Variants in DCC observed in about 807,000 individuals in gnomAD.
DCC encodes the protein netrin receptor DCC.
In DCC, 58 loss-of-function variants were observed where a neutral mutation model predicts 172.5. The ratio of observed to expected loss-of-function variants is 0.34; its 90% CI spans 0.27 to 0.42. The LOEUF (loss-of-function observed/expected upper bound fraction) is 0.42. DCC is among the 10% of genes least tolerant of loss of function. The pLI, the probability that DCC is intolerant of heterozygous loss-of-function variation, is 1.00. For missense variants in DCC, 1,740 were observed against 1,791.0 expected (o/e 0.97, Z 0.51); for synonymous variants, 709 against 644.5 (o/e 1.10, Z -1.52).
At chr18:52,880,136 TTTTC>T (rs143138431) in intron 2 of DCC, among the ~76,000 whole-genome samples, 12,731 of 151,978 alleles carry the variant, frequency 0.084, 865 homozygotes, top group East Asian at 0.29. Flanking sequence ...ATTCTTTTTT[TTTTC>T]TTTCTTTTTG....
intron 15 of DCC, among the ~76,000 whole-genome samples, chr18:53,363,480 G>T (rs1400743842): frequency 6.6e-6 from 1 of 152,156 alleles, no homozygotes; most frequent in Non-Finnish European, 1.5e-5. Flanking sequence ...GAAGAATAAA[G>T]GTATGCAAGG....
Position 53,351,320 on chromosome 18 carries a change from G to GTATA in DCC, c.2359+11422_2359+11425dup, listed in dbSNP as rs201328758. ...ATATATATATATATATATATACACTGTATATATATATACAGTGTATATATA... is the reference window on the plus strand; with the variant it reads ...ATATATATATATATATATATACACTGTATATATATATATATACAGTGTATATATA... On this transcript the variant is annotated intron_variant, in intron 15 of 28. Coordinates refer to ENST00000442544, the MANE Select transcript of DCC (RefSeq NM_005215.4). 1.7e-3 allele frequency among the ~76,000 whole-genome samples: 49 copies of GTATA among 29,626 alleles called. 10 individuals are homozygous for GTATA. Among genetic ancestry groups the GTATA allele is most frequent in the South Asian group, 8.0e-3 (6 of 752 alleles). 19.4% of individuals were successfully genotyped at this position (29,626 alleles called of 152,430 possible).
chr18:52,610,153 A>T (rs1209615021), intron 1 of DCC, among the ~76,000 whole-genome samples: 4 of 5,830 alleles, frequency 6.9e-4, no homozygotes, highest in Admixed American at 3.1e-3. Flanking sequence ...ATCTCTCATA[A>T]AAAAAAAAAA....
intron 1 of DCC, among the ~76,000 whole-genome samples, chr18:52,566,492 A>G (rs1459446689): frequency 1.3e-5 from 2 of 152,176 alleles, no homozygotes; most frequent in Non-Finnish European, 2.9e-5. Context: ...CGTTCTGCAC[A>G]TGTATTCCAG....
Position 52,836,973 on chromosome 18 carries a change from C to G in DCC, c.413-69071C>G, listed in dbSNP as rs995677446. On this transcript the variant is annotated intron_variant, in intron 2 of 28. Transcript: ENST00000442544. Reference sequence around the variant, plus strand: ...AATACAGGCAGAGCTTTCCAAACCTCAATTCTTGACTTCTATGCACCCACT... The same window carrying G: ...AATACAGGCAGAGCTTTCCAAACCTGAATTCTTGACTTCTATGCACCCACT... Among the ~76,000 whole-genome samples, 3 of 152,224 alleles carry G rather than the reference C, an allele frequency of 2.0e-5. No individual in the cohort carries two copies. The East Asian group carries it at 5.8e-4, about 29-fold the overall frequency.
chr18:52,626,485 T>A (rs906498894), intron 1 of DCC, among the ~76,000 whole-genome samples: 9 of 152,084 alleles, frequency 5.9e-5, no homozygotes, highest in Non-Finnish European at 1.2e-4. Flanking sequence ...TCATTCCTAA[T>A]ATACAAAAAC....
intron 1 of DCC, among the ~76,000 whole-genome samples, chr18:52,749,292 A>C (rs2036959116): frequency 6.6e-6 from 1 of 152,232 alleles, no homozygotes; most frequent in Admixed American, 6.5e-5. Context: ...GACTCCATTC[A>C]GAACCAGCAG....
intron 1 of DCC, among the ~76,000 whole-genome samples, chr18:52,542,013 T>C (rs767642779): frequency 4.7e-5 from 7 of 147,482 alleles, no homozygotes; most frequent in Non-Finnish European, 1.0e-4. Context: ...ATGCTAGCAA[T>C]ATATTATATA....
At chr18:52,950,294 G>T (rs542002997) in intron 5 of DCC, among the ~76,000 whole-genome samples, 1 of 152,068 alleles carries the variant, frequency 6.6e-6, no homozygotes, top group Non-Finnish European at 1.5e-5. Context: ...TACTCTCTCT[G>T]TGTCTATACA....
chr18:52,772,863 CCTT>C (rs1201739163), intron 2 of DCC, among the ~76,000 whole-genome samples: 2 of 152,180 alleles, frequency 1.3e-5, no homozygotes, highest in South Asian at 2.1e-4. Flanking sequence ...ACATGTTTCT[CCTT>C]CTTGCTTATC....
chr18:53,322,125 A>G lies in DCC; in HGVS notation c.2132A>G (p.Tyr711Cys), dbSNP rs1241417853. 2 of 1,591,394 alleles carry G rather than the reference A, an allele frequency of 1.3e-6. No individual in the cohort carries two copies. Among genetic ancestry groups the G allele is most frequent in the Non-Finnish European group, 1.7e-6 (2 of 1,159,288 alleles). Reference protein sequence around the residue: ...VNGTGPPSNWYTAETPENDLD... With the variant: ...VNGTGPPSNWCTAETPENDLD... Reference sequence around the variant, plus strand: ...GGTACTGGACCACCTTCCAACTGGTATACTGCAGAGACTCCAGAGAATGAT... The same window carrying G: ...GGTACTGGACCACCTTCCAACTGGTGTACTGCAGAGACTCCAGAGAATGAT... Residue 711 changes from tyrosine (Y) to cysteine (C), a missense_variant, in exon 14 of 29, where the codon TAT becomes TGT. Tyr to Cys is a radical substitution (Grantham distance 194). This residue lies in a region of DCC where 1,732 missense variants were observed against 1,767.4 expected (regional missense o/e 0.98). Transcript: ENST00000442544.
At chr18:53,107,708 T>A (rs1338543957) in intron 7 of DCC, among the ~76,000 whole-genome samples, 1 of 151,794 alleles carries the variant, frequency 6.6e-6, no homozygotes, top group African/African-American at 2.4e-5. Context: ...GATAGCATAT[T>A]CATATTTAAA....
chr18:52,473,351 G>T (rs1164821425), intron 1 of DCC, among the ~76,000 whole-genome samples: 1 of 152,136 alleles, frequency 6.6e-6, no homozygotes, highest in Non-Finnish European at 1.5e-5. Context: ...GATGACACTG[G>T]TCTCTCAAGT....
At chr18:53,471,279 G>A (rs545983179) in intron 25 of DCC, among the ~76,000 whole-genome samples, 69 of 152,224 alleles carry the variant, frequency 4.5e-4, no homozygotes, top group African/African-American at 9.9e-4. Flanking sequence ...ATCCATCCAC[G>A]CAAGTGTTTA....
intron 1 of DCC, among the ~76,000 whole-genome samples, chr18:52,342,005 A>C (rs1298618252): frequency 6.6e-6 from 1 of 152,178 alleles, no homozygotes; most frequent in Admixed American, 6.5e-5. Context: ...ATGGCACATC[A>C]ATCGCGGCCA....
intron 2 of DCC, among the ~76,000 whole-genome samples, chr18:52,755,666 G>A (rs769644652): frequency 4.6e-5 from 7 of 152,092 alleles, no homozygotes; most frequent in Non-Finnish European, 1.0e-4. Context: ...TAAAGCATTA[G>A]CACTCAATAA....
chr18:53,232,724 G>T (rs915937190), intron 12 of DCC, among the ~76,000 whole-genome samples: 8 of 152,036 alleles, frequency 5.3e-5, no homozygotes, highest in Non-Finnish European at 8.8e-5. Context: ...CACCATTCCA[G>T]CAATCTTCTC....
chr18:52,790,417 C>T (rs2037739476), intron 2 of DCC, among the ~76,000 whole-genome samples: 1 of 152,130 alleles, frequency 6.6e-6, no homozygotes, highest in African/African-American at 2.4e-5. Flanking sequence ...ACCTCTTTTA[C>T]CAGTTTGCAT....
intron 13 of DCC, among the ~76,000 whole-genome samples, chr18:53,312,529 CA>C (rs58163580): frequency 0.91 from 136,272 of 149,926 alleles, 62,106 homozygotes; most frequent in African/African-American, 0.97. Context: ...AATATACATA[CA>C]AAAAAAAAAG....
Sources: allele counts gnomAD v4.1 joint callset (sites outside exome capture counted in the v4.1 genomes callset), GRCh38; gene constraint gnomAD v4.1.1; regional missense constraint gnomAD v4.1.1; transcripts MANE v1.5; gene names NCBI Gene and HGNC (gene_info 2026-07-23, HGNC 2026-07-21).